NELL1: variants seen among roughly 807,000 people sequenced by gnomAD.
NELL1 encodes the protein neural EGFL like 1, also known as protein kinase C-binding protein NELL1.
NELL1 carries 76 observed loss-of-function variants against 107.4 expected under a neutral mutation model. That is an observed-to-expected ratio of 0.71 (90% CI 0.59 to 0.86). The LOEUF (loss-of-function observed/expected upper bound fraction) is 0.86, where lower values mean the gene tolerates loss of function less well. NELL1 is among the 40% of genes least tolerant of loss of function. The probability of loss-of-function intolerance (pLI) is 0.00; values close to 1 mark genes in which losing one functional copy is unlikely to be tolerated. For synonymous variants in NELL1, 353 were observed against 341.2 expected, an observed-to-expected ratio of 1.03 and a Z score of -0.38; for missense variants, 1,024 against 1,005.5, an observed-to-expected ratio of 1.02 and a Z score of -0.25.
At chr11:20,702,927 A>G (rs1854834782) in intron 2 of NELL1, among the ~76,000 whole-genome samples, 1 of 151,978 alleles carries the variant, frequency 6.6e-6, no homozygotes, top group East Asian at 1.9e-4. Flanking sequence ...TTTATTGAGG[A>G]TTTTTGCATT....
chr11:20,876,681 C>T (rs1246178392), intron 4 of NELL1, among the ~76,000 whole-genome samples: 3 of 152,106 alleles, frequency 2.0e-5, no homozygotes, highest in Non-Finnish European at 4.4e-5. Flanking sequence ...AGGAGAATGG[C>T]GTGAACCTGG....
chr11:21,569,398 A>G (rs1363992915), intron 17 of NELL1, among the ~76,000 whole-genome samples: 1 of 151,948 alleles, frequency 6.6e-6, no homozygotes, highest in Non-Finnish European at 1.5e-5. Context: ...GTGATCATGC[A>G]TGTAAATGCC....
intron 2 of NELL1, among the ~76,000 whole-genome samples, chr11:20,701,810 G>T (rs1318119318): frequency 6.6e-6 from 1 of 152,178 alleles, no homozygotes; most frequent in African/African-American, 2.4e-5. Context: ...TCAAAGATCA[G>T]ATGGTTGTAG....
Position 20,927,430 on chromosome 11 carries a change from C to A in NELL1, c.882C>A (p.Asn294Lys), listed in dbSNP as rs1564971104. The change falls in exon 8 of 20, where the codon AAC becomes AAA. Residue 294 changes from asparagine to lysine, a missense_variant. Asn to Lys is a moderately conservative substitution (Grantham distance 94). Coordinates refer to ENST00000357134, the MANE Select transcript of NELL1 (RefSeq NM_006157.5). ...GGGTAGATGGTGACCATTGCAGGAA[C>A]TGCACTTGCAAAGTAAGCCTCTTTG... Reference protein sequence around the residue: ...DSWVDGDHCRNCTCKSGAVEC... With the variant: ...DSWVDGDHCRKCTCKSGAVEC... 1 of 1,609,006 alleles carries A rather than the reference C, an allele frequency of 6.2e-7. No homozygotes were observed. The highest frequency in any genetic ancestry group is 1.1e-5 in the South Asian group (1 of 89,246).
intron 4 of NELL1, among the ~76,000 whole-genome samples, chr11:20,864,244 A>AC (rs1849053700): frequency 6.6e-6 from 1 of 152,224 alleles, no homozygotes; most frequent in Non-Finnish European, 1.5e-5. Flanking sequence ...AAATATATAT[A>AC]CATTGTGGAA....
chr11:21,169,601 C>T (rs932672715), intron 13 of NELL1: 8 of 335,926 alleles, frequency 2.4e-5, no homozygotes, highest in African/African-American at 1.7e-4. Context: ...CTAATTGGAG[C>T]TTTATTTTGC....
At chr11:21,096,489 T>G (rs987930149) in intron 12 of NELL1, among the ~76,000 whole-genome samples, 1 of 152,140 alleles carries the variant, frequency 6.6e-6, no homozygotes, top group Non-Finnish European at 1.5e-5. Context: ...ACAAAACCCT[T>G]TCTCTTCTGA....
At position 21,000,189 on chromosome 11, in the gene NELL1, G is replaced by A. The variant is rs146440901; in HGVS notation, c.1300+39629G>A. On this transcript the variant is annotated intron_variant, in intron 12 of 19. Coordinates refer to ENST00000357134, the MANE Select transcript of NELL1 (RefSeq NM_006157.5). Reference sequence around the variant, plus strand: ...TTGACCTTGAATAAGAATCTTAATCGCACCAGCACGGCACATGTATACATA... The same window carrying A: ...TTGACCTTGAATAAGAATCTTAATCACACCAGCACGGCACATGTATACATA... Among the ~76,000 whole-genome samples, 58 of 151,848 alleles carry A rather than the reference G, an allele frequency of 3.8e-4. No individual in the cohort carries two copies. In the East Asian group the frequency reaches 8.7e-3, roughly 23 times the overall value.
rs541505648 is a variant in NELL1 at position 20,924,340 on chromosome 11, T to A, written c.760-2968T>A. 2.0e-5 allele frequency among the ~76,000 whole-genome samples: 3 copies of A among 152,318 alleles called. No homozygotes were observed. In the East Asian group the frequency reaches 5.8e-4, roughly 29 times the overall value. ...ACATCCCTTTGCCTTTGTGTCTATT[T>A]GGTGTGCTCTTATTATTACAGACAA... On this transcript the variant is annotated intron_variant, in intron 7 of 19. Coordinates refer to ENST00000357134, the MANE Select transcript of NELL1 (RefSeq NM_006157.5).
chr11:20,765,494 C>A (rs745615283), intron 2 of NELL1, among the ~76,000 whole-genome samples: 3 of 152,138 alleles, frequency 2.0e-5, no homozygotes, highest in Non-Finnish European at 2.9e-5. Flanking sequence ...TTAACATAGA[C>A]CAGGAGGCCT....
intron 12 of NELL1, among the ~76,000 whole-genome samples, chr11:21,015,031 C>A (rs995530379): frequency 6.6e-6 from 1 of 152,070 alleles, no homozygotes; most frequent in Non-Finnish European, 1.5e-5. Flanking sequence ...GAACTTTGTT[C>A]ATTTTTTTAG....
At position 20,773,501 on chromosome 11, in the gene NELL1, C is replaced by CT. The variant is rs879319989; in HGVS notation, c.185-10167dup. On this transcript the variant is annotated intron_variant, in intron 2 of 19. Coordinates refer to ENST00000357134, the MANE Select transcript of NELL1 (RefSeq NM_006157.5). ...AGATGTGAAATTGGATTTTTTTTTT[C>CT]TTTTTTTTTTTTAAGATGGAGTCTG... 2.5e-3 allele frequency: 354 copies of CT among 142,076 alleles called. 2 individuals carry two copies. The highest frequency in any genetic ancestry group is 7.0e-3 in the African/African-American group (269 of 38,648). The allele number at this position is 142,076 out of a possible 1,614,324, so 8.8% of individuals were successfully genotyped here.
chr11:21,294,722 C>T (rs1019870313), intron 14 of NELL1, among the ~76,000 whole-genome samples: 2 of 151,926 alleles, frequency 1.3e-5, no homozygotes, highest in Non-Finnish European at 2.9e-5. Flanking sequence ...TTGAGGCCAC[C>T]TTTAAAAGTC....
intron 12 of NELL1, among the ~76,000 whole-genome samples, chr11:20,970,872 G>GA (rs374194398): frequency 4.0e-5 from 6 of 150,594 alleles, no homozygotes; most frequent in African/African-American, 9.7e-5. Context: ...TTGGGTTATG[G>GA]AAAAAAAAAT....
At chr11:21,035,604 C>T (rs188070285) in intron 12 of NELL1, among the ~76,000 whole-genome samples, 1 of 152,128 alleles carries the variant, frequency 6.6e-6, no homozygotes, top group East Asian at 1.9e-4. Flanking sequence ...AAATGTGATT[C>T]ATCACATAAA....
chr11:21,483,054 C>G (rs1297133279), intron 15 of NELL1, among the ~76,000 whole-genome samples: 1 of 151,774 alleles, frequency 6.6e-6, no homozygotes, highest in East Asian at 1.9e-4. Flanking sequence ...GTGGAGTGAT[C>G]CATTAGGCCT....
chr11:20,959,742 C>CA (rs1408997475), intron 11 of NELL1, among the ~76,000 whole-genome samples: 6 of 152,042 alleles, frequency 3.9e-5, no homozygotes, highest in Non-Finnish European at 5.9e-5. Context: ...ATATGTGCAC[C>CA]AAAATCTCAC....
intron 7 of NELL1, among the ~76,000 whole-genome samples, chr11:20,925,600 A>G (rs1454725917): frequency 6.6e-6 from 1 of 152,096 alleles, no homozygotes; most frequent in Non-Finnish European, 1.5e-5. Context: ...CTGGAGTTTT[A>G]AATGAAACAT....
rs543578792 is a variant in NELL1 at position 21,401,675 on chromosome 11, A to T, written c.1645+30727A>T. On this transcript the variant is annotated intron_variant, in intron 15 of 19. Coordinates refer to ENST00000357134, the MANE Select transcript of NELL1 (RefSeq NM_006157.5). Reference sequence around the variant, plus strand: ...TGGTTAGAGAAAGTAAGGCAGACTCATTAGCATTTCTGGCTTAAGCTATTC... The same window carrying T: ...TGGTTAGAGAAAGTAAGGCAGACTCTTTAGCATTTCTGGCTTAAGCTATTC... 2.8e-4 allele frequency among the ~76,000 whole-genome samples: 43 copies of T among 151,836 alleles called. 1 individual carries two copies. The highest frequency in any genetic ancestry group is 9.7e-4 in the African/African-American group (40 of 41,386).
Sources: allele counts gnomAD v4.1 joint callset (sites outside exome capture counted in the v4.1 genomes callset), GRCh38; gene constraint gnomAD v4.1.1; transcripts MANE v1.5; gene names NCBI Gene and HGNC (gene_info 2026-07-23, HGNC 2026-07-21).